Variants in LGALS4 observed in about 807,000 individuals in gnomAD.
The protein encoded by LGALS4 is galectin 4, also known as galectin-4.
In LGALS4, 37 loss-of-function variants were observed where a neutral mutation model predicts 39.6. The ratio of observed to expected loss-of-function variants is 0.93; its 90% CI spans 0.72 to 1.23. LGALS4 has a LOEUF of 1.23. Ranked by LOEUF, LGALS4 falls within the 50% of genes most tolerant of loss-of-function variation. LGALS4 has a pLI of 0.00. For synonymous variants in LGALS4, 160 were observed against 165.5 expected (o/e 0.97, Z 0.25); for missense variants, 397 against 433.2 (o/e 0.92, Z 0.74).
intron 4 of LGALS4, among the ~76,000 whole-genome samples, chr19:38,804,506 C>T (rs1376108708): frequency 3.3e-5 from 5 of 152,054 alleles, no homozygotes; most frequent in African/African-American, 7.2e-5. Context: ...CTCAAACTCC[C>T]GACCTCAGGT....
At chr19:38,806,946 CAAA>C (rs34812797) in intron 3 of LGALS4, among the ~76,000 whole-genome samples, 3 of 123,840 alleles carry the variant, frequency 2.4e-5, no homozygotes, top group Admixed American at 1.6e-4. Flanking sequence ...GACTCTGTCT[CAAA>C]AAAAAAAAAA....
At position 38,808,934 on chromosome 19, in the gene LGALS4, A is replaced by G. The variant is rs777303597; in HGVS notation, c.149T>C (p.Phe50Ser). ...SEHMKRFFVN[F>S]VVGQDPGSDV... ...TGAGCCCGGATCCTGCCCAACCACA[A>G]AGTTCACGAAGAACCTGGCGGGACA... The change falls in exon 3 of 10, where the codon TTT becomes TCT. Residue 50 changes from phenylalanine (F) to serine (S), a missense_variant. Coordinates refer to ENST00000307751, the MANE Select transcript of LGALS4 (RefSeq NM_006149.4). The G allele has an allele frequency of 6.2e-7, 1 of 1,610,962 alleles. No homozygotes were observed. The highest frequency in any genetic ancestry group is 8.5e-7 in the Non-Finnish European group (1 of 1,178,468).
intron 6 of LGALS4, 21 bp from the exon 7 acceptor site, chr19:38,803,572 G>A (rs753845875): frequency 9.9e-6 from 16 of 1,613,386 alleles, no homozygotes; most frequent in Admixed American, 5.0e-5. Flanking sequence ...AGGAAGAAGC[G>A]ATATTATTCT....
At position 38,808,826 on chromosome 19, in the gene LGALS4, C is replaced by A. The variant is rs1411451265; in HGVS notation, c.257G>T (p.Ser86Ile). The change falls in exon 3 of 10, where the codon AGC becomes ATC. Residue 86 changes from serine (S) to isoleucine (I), a missense_variant. By Grantham distance (142) the Ser-to-Ile change is moderately radical (BLOSUM62 -2). Transcript: ENST00000307751. ...FNTLQGGKWG[S>I]EERKRSMPFK... is the part of the protein sequence containing the mutation. ...GGGCATGCTCCTCTTCCTCTCCTCG[C>A]TGCCCCACTTCCCGCCCTGCAACGT... 6.2e-7 allele frequency: 1 copy of A among 1,614,076 alleles called. No homozygotes were observed. The highest frequency in any genetic ancestry group is 1.3e-5 in the African/African-American group (1 of 74,940).
At chr19:38,806,393 A>G in intron 4 of LGALS4, 68 bp downstream of exon 4, 1 of 1,528,428 alleles carries the variant, frequency 6.5e-7, no homozygotes, top group South Asian at 1.2e-5. Context: ...AAAGAAAAAA[A>G]GAAAAAAAAT....
Position 38,808,906 on chromosome 19 carries a change from G to C in LGALS4, c.177C>G (p.Asp59Glu), listed in dbSNP as rs148221331. The C allele has an allele frequency of 9.3e-6, 15 of 1,613,812 alleles. No individual in the cohort carries two copies. Among genetic ancestry groups the C allele is most frequent in the East Asian group, 4.5e-5 (2 of 44,892 alleles). ...NFVVGQDPGS[D>E]VAFHFNPRFD... ...ACCGCGGATTGAAGTGGAAGGCGAC[G>C]TCTGAGCCCGGATCCTGCCCAACCA... Residue 59 changes from aspartate (D) to glutamate (E), a missense_variant, in exon 3 of 10, where the codon GAC becomes GAG. Physicochemically the swap from Asp to Glu is conservative, Grantham distance 45. Coordinates refer to ENST00000307751, the MANE Select transcript of LGALS4 (RefSeq NM_006149.4).
intron 4 of LGALS4, among the ~76,000 whole-genome samples, chr19:38,805,654 G>T (rs1449267126): frequency 6.6e-6 from 1 of 152,138 alleles, no homozygotes; most frequent in African/African-American, 2.4e-5. Context: ...CAACCCTTCA[G>T]CCAGGGCCTC....
intron 4 of LGALS4, among the ~76,000 whole-genome samples, chr19:38,804,126 T>C (rs886176550): frequency 1.3e-5 from 2 of 152,110 alleles, no homozygotes; most frequent in African/African-American, 2.4e-5. Flanking sequence ...GCTTGGTCCA[T>C]TTTGTTCTCT....
Position 38,801,867 on chromosome 19 carries a change from T to C in LGALS4, c.869A>G (p.Asn290Ser), listed in dbSNP as rs770171438. Reference protein sequence around the residue: ...CGLDRFKVYANGQHLFDFAHR... With the variant: ...CGLDRFKVYASGQHLFDFAHR... ...GGCAAAGTCAAAGAGGTGCTGGCCATTGGCGTAAACCTTGAAGCGATCCAA... is the reference window on the plus strand; with the variant it reads ...GGCAAAGTCAAAGAGGTGCTGGCCACTGGCGTAAACCTTGAAGCGATCCAA... The change falls in exon 10 of 10, where the codon AAT becomes AGT. Residue 290 changes from asparagine to serine, a missense_variant. By Grantham distance (46) the Asn-to-Ser change is conservative. Coordinates refer to ENST00000307751, the MANE Select transcript of LGALS4 (RefSeq NM_006149.4). The C allele has an allele frequency of 7.4e-6, 12 of 1,614,032 alleles. No homozygotes were observed. The highest frequency in any genetic ancestry group is 1.3e-5 in the African/African-American group (1 of 74,912).
chr19:38,809,547 T>C lies in LGALS4; in HGVS notation c.135-599A>G, dbSNP rs994602487. 1.1e-4 allele frequency among the ~76,000 whole-genome samples: 17 copies of C among 150,840 alleles called. No individual in the cohort carries two copies. The East Asian group carries it at 3.3e-3, about 30-fold the overall frequency. On this transcript the variant is annotated intron_variant, in intron 2 of 9. Coordinates refer to ENST00000307751, the MANE Select transcript of LGALS4 (RefSeq NM_006149.4). ...CCAGGCTGGAGTACAGTGGCCACGA[T>C]GGTGGCTCACTGCAGCCTCAACCTC...
intron 9 of LGALS4, 29 bp downstream of exon 9, chr19:38,801,963 G>A: frequency 1.2e-6 from 2 of 1,613,904 alleles, no homozygotes; most frequent in African/African-American, 1.3e-5. Flanking sequence ...GGCCCTGGAA[G>A]GAAGTGGGAA....
intron 4 of LGALS4, 52 bp downstream of exon 4, chr19:38,806,409 T>C: frequency 6.5e-7 from 1 of 1,538,962 alleles, no homozygotes; most frequent in South Asian, 1.2e-5. Context: ...AAAATGAATG[T>C]GGAACTGAAT....
In LGALS4 at chr19:38,808,825, G is replaced by A. The variant is rs748935155; in HGVS notation, c.258C>T (p.Ser86=). 5.6e-6 allele frequency: 9 copies of A among 1,614,056 alleles called. No homozygotes were observed. The highest frequency in any genetic ancestry group is 3.3e-5 in the Admixed American group (2 of 59,992). The change falls in exon 3 of 10, where the codon AGC becomes AGT. Residue 86 remains serine, a synonymous_variant. Coordinates refer to ENST00000307751, the MANE Select transcript of LGALS4 (RefSeq NM_006149.4). ...FNTLQGGKWG[S]EERKRSMPFK... is the part of the protein sequence containing the mutation. ...AGGGCATGCTCCTCTTCCTCTCCTC[G>A]CTGCCCCACTTCCCGCCCTGCAACG...
chr19:38,806,435 G>C (rs201345355), intron 4 of LGALS4, 26 bp downstream of exon 4: 6 of 1,603,808 alleles, frequency 3.7e-6, no homozygotes, highest in Non-Finnish European at 5.1e-6. Flanking sequence ...AAGAAAGGAC[G>C]CAAGAAGGGA....
At position 38,803,948 on chromosome 19, in the gene LGALS4, T is replaced by C. The variant is rs564676519; in HGVS notation, c.475-53A>G. On this transcript the variant is annotated intron_variant, in intron 4 of 9. Coordinates refer to ENST00000307751, the MANE Select transcript of LGALS4 (RefSeq NM_006149.4). ...ATGAGAGGGTCCCCAGATTTGCGACTGAAAGATGTCGAGAGTGCCTGCCCT... is the reference window on the plus strand; with the variant it reads ...ATGAGAGGGTCCCCAGATTTGCGACCGAAAGATGTCGAGAGTGCCTGCCCT... 457 of 1,566,558 alleles carry C rather than the reference T, an allele frequency of 2.9e-4. 3 individuals carry two copies. The South Asian group carries it at 5.0e-3, about 17-fold the overall frequency.
At chr19:38,809,927 C>T (rs1426245268) in intron 2 of LGALS4, among the ~76,000 whole-genome samples, 1 of 152,080 alleles carries the variant, frequency 6.6e-6, no homozygotes, top group African/African-American at 2.4e-5. Flanking sequence ...AGATCATTTC[C>T]CTCATGCAGC....
intron 7 of LGALS4, among the ~76,000 whole-genome samples, chr19:38,802,805 G>A (rs549053737): frequency 2.0e-5 from 3 of 151,972 alleles, no homozygotes; most frequent in South Asian, 4.1e-4. Flanking sequence ...AGCCTTCCTA[G>A]TAGCTGGGAT....
At position 38,812,718 on chromosome 19, in the gene LGALS4, G is replaced by A. The variant is rs578052281; in HGVS notation, c.45+124C>T. 130 of 1,131,952 alleles carry A rather than the reference G, an allele frequency of 1.1e-4. No homozygotes were observed. In the Admixed American group the frequency reaches 2.3e-3, roughly 20 times the overall value. The allele number at this position is 1,131,952 out of a possible 1,614,324, so 70.1% of individuals were successfully genotyped here. A position where few individuals can be genotyped will look rare whatever the true frequency, so the allele number is the denominator to read the frequency against. ...GGGTAGGAGTAAATCGAGGGTCGGGGTCAGCTTTGGGTAAATCAGACCACA... is the reference window on the plus strand; with the variant it reads ...GGGTAGGAGTAAATCGAGGGTCGGGATCAGCTTTGGGTAAATCAGACCACA... On this transcript the variant is annotated intron_variant, in intron 1 of 9. Transcript: ENST00000307751.
In LGALS4 at chr19:38,804,077, G is replaced by A. The variant is rs535886983; in HGVS notation, c.475-182C>T. Among the ~76,000 whole-genome samples the A allele has an allele frequency of 1.9e-3, 287 of 152,236 alleles. 1 individual carries two copies. Among genetic ancestry groups the A allele is most frequent in the Non-Finnish European group, 3.1e-3 (212 of 68,022 alleles). ...GAGGGGCACCCCATGTTCTGGGATC[G>A]CTGATGCCCAGTGAGTCACCCCAAA... On this transcript the variant is annotated intron_variant, in intron 4 of 9. Transcript: ENST00000307751.
Sources: gnomAD v4.1 joint callset for allele counts (sites outside exome capture counted in the v4.1 genomes callset) on GRCh38, gnomAD v4.1.1 for gene constraint, MANE v1.5 for transcripts, NCBI Gene and HGNC (gene_info 2026-07-23, HGNC 2026-07-21) for gene names.